The following BCAR3 variants were observed in gnomAD, a reference collection of about 807,000 sequenced individuals.
BCAR3 encodes breast cancer anti-estrogen resistance protein 3.
BCAR3 carries 37 observed loss-of-function variants against 80.1 expected under a neutral mutation model. The ratio of observed to expected loss-of-function variants is 0.46; its 90% confidence interval spans 0.36 to 0.61. The LOEUF is 0.61. Among genes scored for constraint, BCAR3 ranks in the 20% least tolerant of loss-of-function variants. The pLI is 0.00. For missense variants in BCAR3, 978 were observed against 1,068.2 expected, an observed-to-expected ratio of 0.92 and a Z score of 1.18; for synonymous variants, 389 against 418.9, an observed-to-expected ratio of 0.93 and a Z score of 0.87.
intron 1 of BCAR3, among the ~76,000 whole-genome samples, chr1:93,676,196 A>T (rs1251255105): frequency 6.6e-6 from 1 of 152,240 alleles, no homozygotes; most frequent in Non-Finnish European, 1.5e-5. Context: ...GCACTACTGC[A>T]GAGTCAGTTC....
chr1:93,698,130 CGGAAGCA>C (rs1649489283), intron 3 of BCAR3, among the ~76,000 whole-genome samples: 1 of 152,186 alleles, frequency 6.6e-6, no homozygotes, highest in African/African-American at 2.4e-5. Context: ...GAGGCAGCAG[CGGAAGCA>C]GGATGGCCAG....
chr1:93,615,570 C>A lies in BCAR3; in HGVS notation c.358-23177G>T, dbSNP rs140254684. 1.1e-4 allele frequency among the ~76,000 whole-genome samples: 17 copies of A among 152,312 alleles called. No individual in the cohort carries two copies. The East Asian group carries it at 1.9e-3, about 17-fold the overall frequency. ...CCACCAGAGAACCTAGAAGGAAGCA[C>A]CAAGGTGGCAGAACTCAGAAGGGTT... On this transcript the variant is annotated intron_variant, in intron 3 of 11. Coordinates refer to ENST00000260502, the MANE Select transcript of BCAR3 (RefSeq NM_003567.4).
chr1:93,787,713 A>G (rs183997979), intron 2 of BCAR3, among the ~76,000 whole-genome samples: 1 of 152,216 alleles, frequency 6.6e-6, no homozygotes. Context: ...ATTTATTGAG[A>G]ATTGTTTTGT....
intron 3 of BCAR3, among the ~76,000 whole-genome samples, chr1:93,617,109 T>C (rs1411194057): frequency 6.6e-6 from 1 of 152,148 alleles, no homozygotes. Context: ...CCCTATTTAG[T>C]AACCATGGAA....
At chr1:93,782,546 G>T (rs1033682934) in intron 2 of BCAR3, among the ~76,000 whole-genome samples, 1 of 152,132 alleles carries the variant, frequency 6.6e-6, no homozygotes, top group Non-Finnish European at 1.5e-5. Context: ...GGGCTACAGA[G>T]GTTGTAGAAA....
intron 2 of BCAR3, among the ~76,000 whole-genome samples, chr1:93,720,614 A>AAGG (rs1650359558): frequency 6.6e-6 from 1 of 152,194 alleles, no homozygotes; most frequent in African/African-American, 2.4e-5. Context: ...TGCCTCCTCC[A>AAGG]CAGGCCAAGA....
chr1:93,781,692 C>T (rs1652766339), intron 2 of BCAR3, among the ~76,000 whole-genome samples: 1 of 152,164 alleles, frequency 6.6e-6, no homozygotes, highest in Non-Finnish European at 1.5e-5. Flanking sequence ...TAATGCCTCC[C>T]ATGCTGGCTC....
At chr1:93,708,974 A>G (rs1238913100) in intron 2 of BCAR3, among the ~76,000 whole-genome samples, 1 of 152,210 alleles carries the variant, frequency 6.6e-6, no homozygotes. Flanking sequence ...TTGCAAAAAC[A>G]GGGCTCACAA....
intron 8 of BCAR3, among the ~76,000 whole-genome samples, chr1:93,572,382 C>T (rs1673255558): frequency 6.6e-6 from 1 of 152,204 alleles, no homozygotes; most frequent in Non-Finnish European, 1.5e-5. Flanking sequence ...TCCAGCCCCA[C>T]TCCAGAGGCC....
At chr1:93,765,515 C>A (rs1174286434) in intron 2 of BCAR3, among the ~76,000 whole-genome samples, 1 of 152,112 alleles carries the variant, frequency 6.6e-6, no homozygotes, top group Non-Finnish European at 1.5e-5. Flanking sequence ...ATGTATACAA[C>A]CTGATGACTC....
At chr1:93,823,121 C>T (rs1654284348) in intron 2 of BCAR3, among the ~76,000 whole-genome samples, 1 of 132,952 alleles carries the variant, frequency 7.5e-6, no homozygotes, top group African/African-American at 2.5e-5. Flanking sequence ...AGGCGTACAG[C>T]GTGGAAATGA....
chr1:93,604,181 TTAAGA>T (rs1160788322), intron 3 of BCAR3, among the ~76,000 whole-genome samples: 6 of 152,274 alleles, frequency 3.9e-5, no homozygotes, highest in African/African-American at 1.4e-4. Flanking sequence ...TGCTGTTAAA[TTAAGA>T]TGTTTCATTT....
In BCAR3 at chr1:93,815,036, G is replaced by A. The variant is rs571150458; in HGVS notation, c.-63+30531C>T. ...CTATTTATGGAGCACCAGGCACTGCGTTAGGGCTATATGGAGAGCACAATA... is the reference window on the plus strand; with the variant it reads ...CTATTTATGGAGCACCAGGCACTGCATTAGGGCTATATGGAGAGCACAATA... On this transcript the variant is annotated intron_variant, in intron 2 of 13. Coordinates refer to the BCAR3 transcript ENST00000370244. 7.9e-5 allele frequency among the ~76,000 whole-genome samples: 12 copies of A among 152,262 alleles called. No individual in the cohort carries two copies. In the South Asian group the frequency reaches 1.4e-3, roughly 18 times the overall value.
At chr1:93,673,540 AC>A (rs1648321274) in intron 2 of BCAR3, among the ~76,000 whole-genome samples, 1 of 152,230 alleles carries the variant, frequency 6.6e-6, no homozygotes, top group African/African-American at 2.4e-5. Context: ...AAGAGAGATA[AC>A]AAAAGAAACA....
chr1:93,829,076 C>CATGCT (rs139706734), intron 2 of BCAR3, among the ~76,000 whole-genome samples: 3 of 152,266 alleles, frequency 2.0e-5, no homozygotes, highest in African/African-American at 7.2e-5. Context: ...AGAGAAAAAG[C>CATGCT]TTCCTCATGC....
chr1:93,691,219 G>C (rs1649174115), intron 3 of BCAR3, among the ~76,000 whole-genome samples: 1 of 152,198 alleles, frequency 6.6e-6, no homozygotes, highest in South Asian at 2.1e-4. Flanking sequence ...GGGGCTATCA[G>C]GGTTGGGAAG....
intron 2 of BCAR3, among the ~76,000 whole-genome samples, chr1:93,657,754 A>G (rs1354923485): frequency 1.3e-5 from 2 of 152,054 alleles, no homozygotes; most frequent in Non-Finnish European, 2.9e-5. Context: ...AAAGAAAAAG[A>G]AAAAATAATC....
chr1:93,717,071 G>C (rs575717865), intron 2 of BCAR3, among the ~76,000 whole-genome samples: 2 of 152,338 alleles, frequency 1.3e-5, no homozygotes, highest in South Asian at 4.1e-4. Flanking sequence ...TTCTTAGCTA[G>C]AACTCAAGAA....
intron 2 of BCAR3, among the ~76,000 whole-genome samples, chr1:93,657,596 T>C (rs920157595): frequency 2.0e-5 from 3 of 152,070 alleles, no homozygotes; most frequent in Non-Finnish European, 4.4e-5. Flanking sequence ...ATTCCAGGCA[T>C]ATACAGTTTA....
Sources: allele counts gnomAD v4.1 joint callset (sites outside exome capture counted in the v4.1 genomes callset), GRCh38; gene constraint gnomAD v4.1.1; transcripts MANE v1.5; gene names NCBI Gene and HGNC (gene_info 2026-07-23, HGNC 2026-07-21).